ARHGAP29: variants seen among roughly 807,000 people sequenced by gnomAD.
The protein encoded by ARHGAP29 is rho GTPase-activating protein 29.
A neutral mutation model predicts 122.6 loss-of-function variants in ARHGAP29; 43 were observed. That is an observed-to-expected ratio of 0.35 (90% CI 0.27 to 0.45). The LOEUF is 0.45. Ranked by LOEUF, ARHGAP29 falls within the 20% of genes least tolerant of loss-of-function variation. The pLI, the probability that ARHGAP29 is intolerant of heterozygous loss-of-function variation, is 1.00. For missense variants in ARHGAP29, 1,303 were observed against 1,477.2 expected (o/e 0.88, Z 1.93); for synonymous variants, 506 against 497.1 (o/e 1.02, Z -0.24).
intron 1 of ARHGAP29, among the ~76,000 whole-genome samples, chr1:94,246,376 G>A (rs769011036): frequency 2.0e-5 from 3 of 152,034 alleles, no homozygotes; most frequent in Non-Finnish European, 4.4e-5. Flanking sequence ...TCTTGAAAGG[G>A]GAATCTCCTC....
intron 2 of ARHGAP29, among the ~76,000 whole-genome samples, chr1:94,223,966 C>T (rs1652472770): frequency 6.6e-6 from 1 of 152,096 alleles, no homozygotes; most frequent in African/African-American, 2.4e-5. Context: ...CACCACCACA[C>T]CTGGCTGATT....
intron 5 of ARHGAP29, among the ~76,000 whole-genome samples, chr1:94,206,978 T>G (rs115377968): frequency 0.23 from 33,708 of 149,102 alleles, 3,949 homozygotes; most frequent in East Asian, 0.33. Context: ...TATATATATA[T>G]AGAGAGAGAG....
At position 94,180,620 on chromosome 1, in the gene ARHGAP29, T is replaced by G. The variant is rs186671537; in HGVS notation, c.2248-663A>C. 3.9e-5 allele frequency among the ~76,000 whole-genome samples: 6 copies of G among 152,284 alleles called. No individual in the cohort carries two copies. The East Asian group carries it at 1.2e-3, about 29-fold the overall frequency. On this transcript the variant is annotated intron_variant, in intron 19 of 22. Transcript: ENST00000260526. ...GTGAGTCAGAAGGTAGGTGCCCCTT[T>G]CTCTGGTTTCCTCTGCTGGTCCTAG...
At chr1:94,186,274 G>T (rs1376666159) in intron 16 of ARHGAP29, among the ~76,000 whole-genome samples, 1 of 152,146 alleles carries the variant, frequency 6.6e-6, no homozygotes, top group Non-Finnish European at 1.5e-5. Context: ...TTTACATCCA[G>T]TAGTTTTGCT....
At chr1:94,203,068 A>G (rs773871083) in intron 9 of ARHGAP29, 32 bp downstream of exon 9, 1 of 1,595,596 alleles carries the variant, frequency 6.3e-7, no homozygotes, top group South Asian at 1.1e-5. Flanking sequence ...CTTAAAAATA[A>G]AAGTGCATTA....
intron 3 of ARHGAP29, among the ~76,000 whole-genome samples, chr1:94,215,982 A>G (rs971737340): frequency 2.0e-5 from 3 of 152,196 alleles, no homozygotes; most frequent in Non-Finnish European, 4.4e-5. Context: ...ATGCAAATCA[A>G]ACCTAGGCTG....
At chr1:94,186,701 C>A (rs1393332158) in intron 15 of ARHGAP29, 104 bp from the exon 16 acceptor site, 2 of 844,916 alleles carry the variant, frequency 2.4e-6, no homozygotes, top group Admixed American at 2.4e-5. Context: ...ATTTTATTAG[C>A]TTCAATGTAA....
chr1:94,263,017 G>C (rs1054339640), intron 1 of ARHGAP29, among the ~76,000 whole-genome samples: 1 of 152,114 alleles, frequency 6.6e-6, no homozygotes, highest in Non-Finnish European at 1.5e-5. Flanking sequence ...ACGGTAATCT[G>C]GATAAAGAAA....
the ARHGAP29 span, among the ~76,000 whole-genome samples, chr1:94,312,359 T>A: frequency 2.0e-5 from 3 of 147,450 alleles, no homozygotes; most frequent in Admixed American, 6.7e-5. Flanking sequence ...TTATTTGTTT[T>A]TTTTTTTTTT....
chr1:94,253,131 C>T (rs987931880), intron 1 of ARHGAP29, among the ~76,000 whole-genome samples: 1 of 152,004 alleles, frequency 6.6e-6, no homozygotes, highest in African/African-American at 2.4e-5. Flanking sequence ...CCACCACAGC[C>T]GGCTAATTTT....
At chr1:94,264,896 GT>G (rs1377279597) in intron 1 of ARHGAP29, among the ~76,000 whole-genome samples, 2 of 152,078 alleles carry the variant, frequency 1.3e-5, no homozygotes, top group African/African-American at 4.8e-5. Context: ...CCTCCTTTGG[GT>G]TGCCACTTCT....
chr1:94,243,789 G>C (rs1653692252), intron 1 of ARHGAP29, among the ~76,000 whole-genome samples: 1 of 151,534 alleles, frequency 6.6e-6, no homozygotes, highest in Non-Finnish European at 1.5e-5. Flanking sequence ...TATCTAGCTA[G>C]GCTGATCGAG....
chr1:94,230,350 G>A (rs185825447), intron 2 of ARHGAP29, among the ~76,000 whole-genome samples: 1 of 151,714 alleles, frequency 6.6e-6, no homozygotes, highest in Admixed American at 6.6e-5. Flanking sequence ...TAAAATGAAT[G>A]GGAATATGAA....
At chr1:94,215,929 T>C (rs1651933646) in intron 3 of ARHGAP29, among the ~76,000 whole-genome samples, 2 of 17,686 alleles carry the variant, frequency 1.1e-4, no homozygotes, top group African/African-American at 2.2e-4. Flanking sequence ...TGTAAAAACG[T>C]TATTGAAACA....
chr1:94,246,223 G>A (rs1653788937), intron 1 of ARHGAP29, among the ~76,000 whole-genome samples: 1 of 152,140 alleles, frequency 6.6e-6, no homozygotes, highest in Admixed American at 6.5e-5. Context: ...CCTGTAACAA[G>A]GAGGCATTTT....
chr1:94,280,417 C>G, the ARHGAP29 span, among the ~76,000 whole-genome samples: 1 of 152,090 alleles, frequency 6.6e-6, no homozygotes, highest in Non-Finnish European at 1.5e-5. Context: ...AGAAGAGAGC[C>G]AGACCAAAAA....
intron 2 of ARHGAP29, 95 bp downstream of exon 2, chr1:94,231,312 C>T: frequency 1.0e-6 from 1 of 984,716 alleles, no homozygotes; most frequent in Non-Finnish European, 1.5e-6. Flanking sequence ...AGCAGAATAC[C>T]CTGTTCCTAC....
At chr1:94,298,025 A>G in the ARHGAP29 span, among the ~76,000 whole-genome samples, 1 of 152,258 alleles carries the variant, frequency 6.6e-6, no homozygotes, top group Non-Finnish European at 1.5e-5. Context: ...TGCCATTTTC[A>G]AAATGGTAAT....
At chr1:94,202,004 A>T in intron 11 of ARHGAP29, 147 bp from the exon 12 acceptor site, 2 of 748,668 alleles carry the variant, frequency 2.7e-6, no homozygotes, top group Non-Finnish European at 4.1e-6. Flanking sequence ...TGTTCTGGTC[A>T]GTGATTCAAA....
Sources: gnomAD v4.1 joint callset for allele counts (sites outside exome capture counted in the v4.1 genomes callset) on GRCh38, gnomAD v4.1.1 for gene constraint, MANE v1.5 for transcripts, NCBI Gene and HGNC (gene_info 2026-07-23, HGNC 2026-07-21) for gene names.